The following PHF8 variants were observed in gnomAD, a reference collection of about 807,000 sequenced individuals.
PHF8 encodes PHD finger protein 8.
PHF8 carries 9 observed loss-of-function variants against 74.4 expected under a neutral mutation model. The observed-to-expected ratio is 0.12, with a 90% CI of 0.07 to 0.21. The LOEUF (loss-of-function observed/expected upper bound fraction) is 0.21, where lower values mean the gene tolerates loss of function less well. PHF8 is among the 10% of genes least tolerant of loss of function. PHF8 has a pLI of 1.00. For synonymous variants in PHF8, 311 were observed against 316.6 expected, an observed-to-expected ratio of 0.98 and a Z score of 0.19; for missense variants, 478 against 816.6, an observed-to-expected ratio of 0.59 and a Z score of 5.05.
chrX:53,942,884 T>A, intron 20 of PHF8: 1 of 753,217 alleles, frequency 1.3e-6, no homozygotes, highest in Non-Finnish European at 1.6e-6. Context: ...ATAAAAGGTG[T>A]GCATGAGGGG....
intron 18 of PHF8, among the ~76,000 whole-genome samples, chrX:53,963,144 C>T (rs2065129053): frequency 8.9e-6 from 1 of 112,018 alleles, no homozygotes; most frequent in Non-Finnish European, 1.9e-5. Context: ...CTCCTAGATT[C>T]ACCTAATTCT....
At chrX:54,045,328 T>A (rs2066624964), upstream of PHF8, 1 of 123,404 alleles carries the variant, frequency 8.1e-6, no homozygotes. Context: ...TCTCAAACAT[T>A]CTAGAAAATT....
In PHF8 at chrX:53,994,477, A is replaced by C. The variant is rs2065716987; in HGVS notation, c.1324-574T>G. Among the ~76,000 whole-genome samples the C allele has an allele frequency of 3.5e-5, 4 of 112,697 alleles. No individual in the cohort carries two copies. The Admixed American group carries it at 3.7e-4, about 11-fold the overall frequency. ...TGGGCCTCCCACCTTCATCTTATTC[A>C]AAGCAGTTATGCTTTGAATATTGGG... On this transcript the variant is annotated intron_variant, in intron 12 of 21. Transcript: ENST00000338154.
intron 4 of PHF8, among the ~76,000 whole-genome samples, chrX:54,020,727 G>A (rs1184676346): frequency 9.1e-6 from 1 of 110,357 alleles, no homozygotes; most frequent in Non-Finnish European, 1.9e-5. Flanking sequence ...TTAAGTTGAA[G>A]GAACACTTAT....
At position 53,995,575 on chromosome X, in the gene PHF8, T is replaced by C; in HGVS notation, c.1323+118A>G. 1.4e-5 allele frequency: 7 copies of C among 514,136 alleles called. No individual in the cohort carries two copies. In the South Asian group the frequency reaches 1.5e-4, roughly 11 times the overall value. 42.4% of individuals were successfully genotyped at this position (514,136 alleles called of 1,213,427 possible). A position where few individuals can be genotyped will look rare whatever the true frequency, so the allele number is the denominator to read the frequency against. On this transcript the variant is annotated intron_variant, in intron 12 of 21. Transcript: ENST00000338154. ...TATTTGAACGAATGAATTGGGTCTTTGGTAGGGTCTTCCCGACCCTTCCCC... is the reference window on the plus strand; with the variant it reads ...TATTTGAACGAATGAATTGGGTCTTCGGTAGGGTCTTCCCGACCCTTCCCC...
chrX:53,994,356 T>G (rs1557102243), intron 12 of PHF8, among the ~76,000 whole-genome samples: 1 of 112,287 alleles, frequency 8.9e-6, no homozygotes, highest in East Asian at 2.8e-4. Flanking sequence ...GGAAAGGTGA[T>G]TTTTGAAGAT....
At chrX:53,972,074 C>T (rs1182861653) in intron 18 of PHF8, among the ~76,000 whole-genome samples, 2 of 110,852 alleles carry the variant, frequency 1.8e-5, no homozygotes, top group African/African-American at 6.6e-5. Flanking sequence ...CCTGTAATCC[C>T]AGCACTTTGG....
intron 19 of PHF8, among the ~76,000 whole-genome samples, chrX:53,956,571 T>C (rs1432655540): frequency 9.0e-6 from 1 of 111,664 alleles, no homozygotes; most frequent in African/African-American, 3.3e-5. Context: ...AATTATCTAC[T>C]CTCTGAATAT....
At chrX:53,990,496 C>T (rs952890491) in intron 14 of PHF8, among the ~76,000 whole-genome samples, 1 of 111,297 alleles carries the variant, frequency 9.0e-6, no homozygotes, top group Non-Finnish European at 1.9e-5. Flanking sequence ...AGGCTAGACT[C>T]CTAGGACTCT....
In PHF8 at chrX:53,940,534, T is replaced by TAG. The variant is rs1557083211; in HGVS notation, c.2650-20_2650-19dup. On this transcript the variant is annotated intron_variant, in intron 20 of 21. Coordinates refer to ENST00000338154, the MANE Select transcript of PHF8 (RefSeq NM_015107.3). Reference sequence around the variant, plus strand: ...TGTAGCTCCTGAAACACAAGCCAAGTAGGAGGAGAGATTAAGGAGTGAAGA... The same window carrying TAG: ...TGTAGCTCCTGAAACACAAGCCAAGTAGAGGAGGAGAGATTAAGGAGTGAAGA... 1.8e-6 allele frequency: 2 copies of TAG among 1,086,130 alleles called. No homozygotes were observed. Among genetic ancestry groups the TAG allele is most frequent in the East Asian group, 3.0e-5 (1 of 33,044 alleles). The allele number at this position is 1,086,130 out of a possible 1,213,427, so 89.5% of individuals were successfully genotyped here.
chrX:53,959,941 G>A (rs1344319530), intron 19 of PHF8, among the ~76,000 whole-genome samples: 1 of 109,374 alleles, frequency 9.1e-6, no homozygotes, highest in African/African-American at 3.3e-5. Flanking sequence ...CCAAGAAAGG[G>A]TGGCATACTT....
intron 10 of PHF8, 77 bp downstream of exon 10, chrX:54,002,078 C>T (rs1013442656): frequency 5.0e-5 from 28 of 562,630 alleles, no homozygotes; most frequent in Middle Eastern, 3.1e-4. Context: ...GTCTTGACTG[C>T]GTTACTTACA....
chrX:53,987,827 A>G lies in PHF8; in HGVS notation c.1848T>C (p.Asp616=), dbSNP rs782298593. 7.4e-6 allele frequency: 9 copies of G among 1,209,097 alleles called. No homozygotes were observed. In the Admixed American group the frequency reaches 2.0e-4, roughly 26 times the overall value. The change falls in exon 15 of 22, where the codon GAT becomes GAC. Residue 616 remains aspartate (D), a synonymous_variant. Coordinates refer to ENST00000338154, the MANE Select transcript of PHF8 (RefSeq NM_015107.3). ...ATCTCTCGTCAATCTGCAGCTCATCATCTGAATCCAAGTCAAATTCGTCTT... is the reference window on the plus strand; with the variant it reads ...ATCTCTCGTCAATCTGCAGCTCATCGTCTGAATCCAAGTCAAATTCGTCTT... ...VMEDEFDLDS[D]DELQIDERLG... is the part of the protein sequence containing the mutation.
intron 19 of PHF8, among the ~76,000 whole-genome samples, chrX:53,958,198 T>C (rs1296364593): frequency 1.8e-5 from 2 of 108,578 alleles, no homozygotes; most frequent in Non-Finnish European, 3.8e-5. Context: ...TGCGCCACCA[T>C]GCCCAGCTAA....
intron 2 of PHF8, among the ~76,000 whole-genome samples, chrX:54,032,329 A>G (rs1467386667): frequency 9.0e-6 from 1 of 110,716 alleles, no homozygotes; most frequent in African/African-American, 3.3e-5. Flanking sequence ...TACTTGGAAA[A>G]TCACTGCTGT....
At chrX:54,021,593 C>T (rs901439557) in intron 4 of PHF8, among the ~76,000 whole-genome samples, 18 of 104,600 alleles carry the variant, frequency 1.7e-4, no homozygotes, top group Admixed American at 1.6e-3. Flanking sequence ...CTCAGCCTCC[C>T]GAGTAGCTGG....
chrX:53,961,165 C>T (rs951447374), intron 19 of PHF8, among the ~76,000 whole-genome samples: 3 of 107,894 alleles, frequency 2.8e-5, no homozygotes, highest in African/African-American at 6.8e-5. Context: ...TGGGACTAAA[C>T]GCACATGCCA....
intron 18 of PHF8, among the ~76,000 whole-genome samples, chrX:53,977,143 T>A (rs183086396): frequency 1.7e-3 from 186 of 110,748 alleles, no homozygotes; most frequent in African/African-American, 5.8e-3. Context: ...AAGACCAGCC[T>A]GGCCAACATG....
intron 11 of PHF8, among the ~76,000 whole-genome samples, chrX:53,999,314 T>C (rs2065794535): frequency 8.9e-6 from 1 of 112,559 alleles, no homozygotes; most frequent in Non-Finnish European, 1.9e-5. Flanking sequence ...ACACATGTTT[T>C]CAGCTTACTT....
Sources: allele counts gnomAD v4.1 joint callset (sites outside exome capture counted in the v4.1 genomes callset), GRCh38; gene constraint gnomAD v4.1.1; transcripts MANE v1.5; gene names NCBI Gene and HGNC (gene_info 2026-07-23, HGNC 2026-07-21).